Variants in DOP1A observed in about 807,000 individuals in gnomAD.
DOP1A encodes the protein protein DOP1A.
A neutral mutation model predicts 267.6 loss-of-function variants in DOP1A; 90 were observed. The observed-to-expected ratio is 0.34, with a 90% CI of 0.28 to 0.40. The LOEUF is 0.40. DOP1A is among the 10% of genes least tolerant of loss of function. The pLI is 1.00. For missense variants in DOP1A, 2,437 were observed against 2,900.4 expected (o/e 0.84, Z 3.67); for synonymous variants, 932 against 999.1 (o/e 0.93, Z 1.27).
Position 83,110,159 on chromosome 6 carries a change from G to C in DOP1A, c.526G>C (p.Val176Leu). Residue 176 changes from valine (V) to leucine (L), a missense_variant, in exon 6 of 39, where the codon GTG becomes CTG. Around this residue, in one of 9 missense-constraint regions of DOP1A, gnomAD observed 251 missense variants for 359.1 expected, o/e 0.70. Coordinates refer to ENST00000349129, the MANE Select transcript of DOP1A (RefSeq NM_015018.4). ...NMLLEKVAAA[V>L]DQSAFYSALW... ...GTTGTTGGAAAAGGTTGCTGCTGCT[G>C]TGGACCAGTCAGCATTCTACAGTGC... 1 of 1,610,616 alleles carries C rather than the reference G, an allele frequency of 6.2e-7. No individual in the cohort carries two copies. Among genetic ancestry groups the C allele is most frequent in the Non-Finnish European group, 8.5e-7 (1 of 1,178,526 alleles).
chr6:83,167,523 G>T, intron 38 of DOP1A: 3 of 1,019,414 alleles, frequency 2.9e-6, no homozygotes, highest in Non-Finnish European at 3.5e-6. Context: ...CAGTAGTGAG[G>T]GTTCAGAAAC....
intron 1 of DOP1A, among the ~76,000 whole-genome samples, chr6:83,082,725 G>A (rs1768340133): frequency 6.6e-6 from 1 of 151,770 alleles, no homozygotes; most frequent in Non-Finnish European, 1.5e-5. Context: ...TACACAGTGT[G>A]TATATACTTC....
At position 83,151,984 on chromosome 6, in the gene DOP1A, C is replaced by G; in HGVS notation, c.6006C>G (p.Pro2002=). Reference sequence around the variant, plus strand: ...GAAATCTTGAAGTTAAGCCTTCTCCCAAAATAATGGTAGATGGAACCAATT... The same window carrying G: ...GAAATCTTGAAGTTAAGCCTTCTCCGAAAATAATGGTAGATGGAACCAATT... The part of the protein sequence containing the change: ...LRRNLEVKPS[P]KIMVDGTNLE... The change falls in exon 29 of 39, where the codon CCC becomes CCG. Residue 2002 remains proline (P), a synonymous_variant. Coordinates refer to ENST00000349129, the MANE Select transcript of DOP1A (RefSeq NM_015018.4). 6.2e-7 allele frequency: 1 copy of G among 1,613,896 alleles called. No individual in the cohort carries two copies.
chr6:83,158,004 T>G (rs1036925858), intron 35 of DOP1A, among the ~76,000 whole-genome samples: 1 of 152,068 alleles, frequency 6.6e-6, no homozygotes. Context: ...TTTTCCTTTT[T>G]TTTTTGTTTT....
intron 17 of DOP1A, 142 bp from the exon 18 acceptor site, chr6:83,132,034 A>T: frequency 1.1e-6 from 1 of 889,824 alleles, no homozygotes; most frequent in Non-Finnish European, 1.7e-6. Context: ...AGACTGCCTT[A>T]GTAACCTCAT....
chr6:83,141,094 A>G (rs1779583948), intron 23 of DOP1A, among the ~76,000 whole-genome samples: 1 of 152,202 alleles, frequency 6.6e-6, no homozygotes. Flanking sequence ...TAAACAATTA[A>G]TTAGGGAATG....
Position 83,142,043 on chromosome 6 carries a change from C to G in DOP1A, c.5538C>G (p.Thr1846=). ...GACAGAATAAAACAACCACCAGGAC[C>G]AAGGTATGTATTTAGACATTTGGCA... ...ERRQNKTTTR[T]KVIPAASEEQ... Residue 1846 remains threonine (T), a synonymous_variant, in exon 24 of 39, where the codon ACC becomes ACG. Transcript: ENST00000349129. 1 of 1,610,668 alleles carries G rather than the reference C, an allele frequency of 6.2e-7. No individual in the cohort carries two copies.
intron 4 of DOP1A, among the ~76,000 whole-genome samples, chr6:83,102,561 C>G (rs1455836532): frequency 6.6e-6 from 1 of 152,192 alleles, no homozygotes; most frequent in African/African-American, 2.4e-5. Context: ...ATCTACTTCC[C>G]TGAACCTTCA....
intron 6 of DOP1A, among the ~76,000 whole-genome samples, chr6:83,110,818 T>G (rs1167060790): frequency 6.6e-6 from 1 of 152,196 alleles, no homozygotes; most frequent in Non-Finnish European, 1.5e-5. Flanking sequence ...TGCATATGAT[T>G]ATGACATTAC....
chr6:83,112,639 G>A (rs1582979282), intron 6 of DOP1A, among the ~76,000 whole-genome samples: 1 of 151,968 alleles, frequency 6.6e-6, no homozygotes, highest in Non-Finnish European at 1.5e-5. Flanking sequence ...TAATTTTTGT[G>A]TTTTTAGTAG....
At chr6:83,150,701 ACT>A (rs1344306094) in intron 27 of DOP1A, among the ~76,000 whole-genome samples, 5 of 152,238 alleles carry the variant, frequency 3.3e-5, no homozygotes. Flanking sequence ...TATTGAGTAG[ACT>A]CTTAGCAAAT....
intron 7 of DOP1A, among the ~76,000 whole-genome samples, chr6:83,113,691 C>G (rs1374730196): frequency 6.6e-6 from 1 of 152,150 alleles, no homozygotes; most frequent in African/African-American, 2.4e-5. Context: ...AAGAGGTTCT[C>G]TATTGCTAAC....
At chr6:83,142,448 T>C (rs1357058241) in intron 24 of DOP1A, among the ~76,000 whole-genome samples, 2 of 151,908 alleles carry the variant, frequency 1.3e-5, no homozygotes, top group Non-Finnish European at 2.9e-5. Context: ...GCGGAGGTTG[T>C]GGTGAGCCAA....
At position 83,151,824 on chromosome 6, in the gene DOP1A, A is replaced by G. The variant is rs557716678; in HGVS notation, c.5905-59A>G. 2.2e-4 allele frequency: 329 copies of G among 1,527,406 alleles called. No homozygotes were observed. The African/African-American group carries it at 3.8e-3, about 18-fold the overall frequency. The allele number at this position is 1,527,406 out of a possible 1,614,324, so 94.6% of individuals were successfully genotyped here. ...TATTATCAGAAATATAAACTACAGA[A>G]GTTCATAACTAGTGTGCATGTGTGT... On this transcript the variant is annotated intron_variant, in intron 28 of 38. Coordinates refer to ENST00000349129, the MANE Select transcript of DOP1A (RefSeq NM_015018.4).
At position 83,167,291 on chromosome 6, in the gene DOP1A, C is replaced by T. The variant is rs556975649; in HGVS notation, c.7093-571C>T. 3.9e-4 allele frequency: 386 copies of T among 985,316 alleles called. No individual in the cohort carries two copies. The African/African-American group carries it at 6.3e-3, about 16-fold the overall frequency. The allele number at this position is 985,316 out of a possible 1,614,324, so 61.0% of individuals were successfully genotyped here. A position where few individuals can be genotyped will look rare whatever the true frequency, so the allele number is the denominator to read the frequency against. On this transcript the variant is annotated intron_variant, in intron 38 of 38. Coordinates refer to ENST00000349129, the MANE Select transcript of DOP1A (RefSeq NM_015018.4). ...TTCCTCCCTATGTTGTTTAGCACAACCCAGAAGGAGACAGCAGTGTCTCCT... is the reference window on the plus strand; with the variant it reads ...TTCCTCCCTATGTTGTTTAGCACAATCCAGAAGGAGACAGCAGTGTCTCCT...
At chr6:83,156,192 A>C in intron 34 of DOP1A, 89 bp downstream of exon 34, 2 of 1,064,514 alleles carry the variant, frequency 1.9e-6, no homozygotes, top group Non-Finnish European at 2.7e-6. Context: ...GTTGGGGTAA[A>C]ATATATCAAG....
chr6:83,067,828 C>T lies in DOP1A; in HGVS notation c.-147+49C>T, dbSNP rs375713246. 15 of 152,428 alleles carry T rather than the reference C, an allele frequency of 9.8e-5. No individual in the cohort carries two copies. In the East Asian group the frequency reaches 2.5e-3, roughly 26 times the overall value. 9.4% of individuals were successfully genotyped at this position (152,428 alleles called of 1,614,324 possible). On this transcript the variant is annotated intron_variant, in intron 1 of 38. Coordinates refer to ENST00000349129, the MANE Select transcript of DOP1A (RefSeq NM_015018.4). ...GCGGCCGCTAGGCTGGTAGCCGGCT[C>T]CGAGCATCCTTCTCGGCCCGGCTAG... is the stretch of plus-strand genomic sequence containing the variant.
At chr6:83,140,853 T>A (rs1779523297) in intron 23 of DOP1A, among the ~76,000 whole-genome samples, 1 of 152,142 alleles carries the variant, frequency 6.6e-6, no homozygotes, top group Non-Finnish European at 1.5e-5. Context: ...CATTCATACA[T>A]GTTATAACTT....
intron 21 of DOP1A, 97 bp downstream of exon 21, chr6:83,139,259 A>G (rs1013917088): frequency 1.0e-6 from 1 of 966,814 alleles, no homozygotes; most frequent in Non-Finnish European, 1.5e-6. Flanking sequence ...TAAATAAAGT[A>G]ATGGTTTTTG....
Sources: allele counts gnomAD v4.1 joint callset (sites outside exome capture counted in the v4.1 genomes callset), GRCh38; gene constraint gnomAD v4.1.1; regional missense constraint gnomAD v4.1.1; transcripts MANE v1.5; gene names NCBI Gene and HGNC (gene_info 2026-07-23, HGNC 2026-07-21).